The following C12orf42 variants were observed in gnomAD, a reference collection of about 807,000 sequenced individuals.
C12orf42 encodes uncharacterized protein C12orf42.
C12orf42 carries 25 observed loss-of-function variants against 21.6 expected under a neutral mutation model. The observed-to-expected ratio is 1.16, with a 90% CI of 0.84 to 1.62. C12orf42 has a LOEUF of 1.62. Ranked by LOEUF, C12orf42 falls within the 40% of genes most tolerant of loss-of-function variation. The pLI, the probability that C12orf42 is intolerant of heterozygous loss-of-function variation, is 0.00. For missense variants in C12orf42, 483 were observed against 459.3 expected (o/e 1.05, Z -0.47); for synonymous variants, 174 against 175.0 (o/e 0.99, Z 0.05).
chr12:103,314,452 G>A (rs2039269781), intron 4 of C12orf42, among the ~76,000 whole-genome samples: 1 of 152,126 alleles, frequency 6.6e-6, no homozygotes, highest in Non-Finnish European at 1.5e-5. Context: ...AAACTGGTAG[G>A]AATATTTAAA....
At chr12:103,445,337 C>T in intron 2 of C12orf42, among the ~76,000 whole-genome samples, 1 of 151,638 alleles carries the variant, frequency 6.6e-6, no homozygotes, top group African/African-American at 2.4e-5. Context: ...ACAGTTTTTT[C>T]AACTCAATAC....
chr12:103,222,228 G>C, the C12orf42 span, among the ~76,000 whole-genome samples: 1 of 152,040 alleles, frequency 6.6e-6, no homozygotes, highest in South Asian at 2.1e-4. Flanking sequence ...AGCGAAGGGA[G>C]ATAAGGGTGG....
chr12:103,437,102 C>T (rs1189938799), intron 2 of C12orf42, among the ~76,000 whole-genome samples: 5 of 151,782 alleles, frequency 3.3e-5, no homozygotes, highest in East Asian at 1.9e-4. Context: ...TTAAGAATCT[C>T]GCTCAAAACC....
At chr12:103,088,557 G>T in the C12orf42 span, among the ~76,000 whole-genome samples, 1 of 152,198 alleles carries the variant, frequency 6.6e-6, no homozygotes, top group Non-Finnish European at 1.5e-5. Flanking sequence ...CTCTGCCATG[G>T]AATTTGGGGT....
chr12:103,177,672 G>T, the C12orf42 span, among the ~76,000 whole-genome samples: 4 of 152,148 alleles, frequency 2.6e-5, no homozygotes, highest in Admixed American at 2.6e-4. Flanking sequence ...CCTTTAAGAA[G>T]TACAGAATAG....
At chr12:103,114,915 G>C in the C12orf42 span, among the ~76,000 whole-genome samples, 1 of 152,136 alleles carries the variant, frequency 6.6e-6, no homozygotes. Flanking sequence ...AAGAAAACTT[G>C]CAAGCCATGC....
At chr12:103,060,572 A>G in the C12orf42 span, among the ~76,000 whole-genome samples, 6 of 152,218 alleles carry the variant, frequency 3.9e-5, no homozygotes, top group Admixed American at 6.5e-5. Flanking sequence ...CTGACTTCCA[A>G]CTATACTACA....
intron 1 of C12orf42, among the ~76,000 whole-genome samples, chr12:103,489,366 C>T (rs1955041408): frequency 6.6e-6 from 1 of 152,194 alleles, no homozygotes; most frequent in Non-Finnish European, 1.5e-5. Flanking sequence ...TGACTGTCAG[C>T]CCCTAATGGG....
At chr12:103,545,173 G>T in the C12orf42 span, among the ~76,000 whole-genome samples, 23 of 152,050 alleles carry the variant, frequency 1.5e-4, no homozygotes, top group Non-Finnish European at 2.2e-4. Flanking sequence ...GATTTCACTG[G>T]CAGGTAATTC....
At chr12:103,158,965 G>A in the C12orf42 span, among the ~76,000 whole-genome samples, 1 of 151,438 alleles carries the variant, frequency 6.6e-6, no homozygotes, top group East Asian at 1.9e-4. Flanking sequence ...AGACATGAGT[G>A]AAAGGTGGTA....
At chr12:103,286,853 G>C (rs1027034612) in intron 4 of C12orf42, among the ~76,000 whole-genome samples, 5 of 152,078 alleles carry the variant, frequency 3.3e-5, no homozygotes, top group African/African-American at 1.2e-4. Flanking sequence ...GTACGGTAAA[G>C]GGAGGTTGGT....
At chr12:103,468,114 G>A (rs1484708632) in intron 2 of C12orf42, among the ~76,000 whole-genome samples, 2 of 152,182 alleles carry the variant, frequency 1.3e-5, no homozygotes, top group African/African-American at 4.8e-5. Context: ...TTCTGAATGT[G>A]AGTCATTCTA....
chr12:103,078,389 T>C, the C12orf42 span, among the ~76,000 whole-genome samples: 535 of 152,300 alleles, frequency 3.5e-3, 2 homozygotes, highest in African/African-American at 0.012. Flanking sequence ...TTTATCTTCC[T>C]TTTATCATTG....
intron 1 of C12orf42, among the ~76,000 whole-genome samples, chr12:103,486,935 G>A (rs1295910305): frequency 2.0e-5 from 3 of 152,082 alleles, no homozygotes; most frequent in Non-Finnish European, 4.4e-5. Flanking sequence ...TTTTTGAAGG[G>A]ATTTTTGTGT....
At chr12:103,133,174 C>A in the C12orf42 span, among the ~76,000 whole-genome samples, 2,930 of 152,238 alleles carry the variant, frequency 0.019, 58 homozygotes, top group African/African-American at 0.048. Flanking sequence ...ACCACCACAG[C>A]GGGCTCCCAT....
At chr12:103,173,826 T>C in the C12orf42 span, among the ~76,000 whole-genome samples, 3 of 152,180 alleles carry the variant, frequency 2.0e-5, no homozygotes, top group Non-Finnish European at 2.9e-5. Context: ...ACCAGATTCA[T>C]TCACTGCAGG....
At chr12:103,295,907 A>C (rs1340766120) in intron 4 of C12orf42, among the ~76,000 whole-genome samples, 1 of 152,016 alleles carries the variant, frequency 6.6e-6, no homozygotes, top group African/African-American at 2.4e-5. Context: ...GTACATGTGC[A>C]CAACGTGCAG....
At chr12:103,334,880 T>C (rs930417499) in intron 4 of C12orf42, among the ~76,000 whole-genome samples, 10 of 152,250 alleles carry the variant, frequency 6.6e-5, no homozygotes, top group African/African-American at 2.2e-4. Context: ...TGTGTGTTAA[T>C]GAACAGTGGG....
chr12:103,429,808 T>TA (rs1950128926), intron 2 of C12orf42, among the ~76,000 whole-genome samples: 1 of 152,048 alleles, frequency 6.6e-6, no homozygotes, highest in African/African-American at 2.4e-5. Flanking sequence ...GCCTCAGAAA[T>TA]AATGCCACAT....
Sources: gnomAD v4.1 joint callset for allele counts (sites outside exome capture counted in the v4.1 genomes callset) on GRCh38, gnomAD v4.1.1 for gene constraint, MANE v1.5 for transcripts, NCBI Gene and HGNC (gene_info 2026-07-23, HGNC 2026-07-21) for gene names.